Variants in GCN1 observed in about 807,000 individuals in gnomAD.
GCN1 encodes the protein stalled ribosome sensor GCN1.
A neutral mutation model predicts 288.4 loss-of-function variants in GCN1; 90 were observed. The ratio of observed to expected loss-of-function variants is 0.31; its 90% CI spans 0.26 to 0.37. The LOEUF (loss-of-function observed/expected upper bound fraction) is 0.37, where lower values mean the gene tolerates loss of function less well. Ranked by LOEUF, GCN1 falls within the 10% of genes least tolerant of loss-of-function variation. The pLI, the probability that GCN1 is intolerant of heterozygous loss-of-function variation, is 1.00. For missense variants in GCN1, 2,586 were observed against 3,419.9 expected (o/e 0.76, Z 6.08); for synonymous variants, 1,386 against 1,420.2 (o/e 0.98, Z 0.54).
intron 16 of GCN1, 56 bp downstream of exon 16, chr12:120,168,152 T>G: frequency 9.3e-7 from 1 of 1,081,050 alleles, no homozygotes; most frequent in Non-Finnish European, 1.4e-6. Context: ...TCTCTGAAGA[T>G]TTTCCAAAGA....
chr12:120,190,140 G>A (rs528414901), intron 2 of GCN1, among the ~76,000 whole-genome samples, 158 bp downstream of exon 2: 13 of 150,276 alleles, frequency 8.7e-5, no homozygotes, highest in Admixed American at 5.3e-4. Flanking sequence ...CAGGAAAATC[G>A]CTTGAACCCA....
Position 120,162,888 on chromosome 12 carries a change from G to C in GCN1, c.2122C>G (p.Gln708Glu), listed in dbSNP as rs1283818961. The stretch of plus-strand genomic sequence containing the variant: ...TGTGTGGTCATCCTGGGAATGATCT[G>C]ATCCAGGTGCCTGGTGATAAAGGCT... ...PEAFITRHLDQIIPRMTTQSP... is the reference protein window; with the variant it reads ...PEAFITRHLDEIIPRMTTQSP... The change falls in exon 20 of 58, where the codon CAG (glutamine) becomes GAG (glutamate). Residue 708 changes from glutamine to glutamate, a missense_variant. Gln to Glu is a conservative substitution (Grantham distance 29, BLOSUM62 2). Around this residue, in one of 8 missense-constraint regions of GCN1, gnomAD observed 913 missense variants for 1,107.0 expected, o/e 0.82. Transcript: ENST00000300648. 3.1e-6 allele frequency: 5 copies of C among 1,614,156 alleles called. No homozygotes were observed. The highest frequency in any genetic ancestry group is 4.2e-6 in the Non-Finnish European group (5 of 1,179,996).
At chr12:120,146,093 CCT>C (rs900252798) in intron 38 of GCN1, among the ~76,000 whole-genome samples, 2 of 151,842 alleles carry the variant, frequency 1.3e-5, no homozygotes, top group Admixed American at 1.3e-4. Context: ...ATGGTTTCAC[CCT>C]GTCTCTACTA....
intron 13 of GCN1, 39 bp downstream of exon 13, chr12:120,174,032 G>T: frequency 1.6e-6 from 2 of 1,255,536 alleles, no homozygotes; most frequent in Non-Finnish European, 1.2e-6. Flanking sequence ...GGTCAAGGAT[G>T]AGTACAGAAC....
At chr12:120,149,742 T>C in intron 35 of GCN1, 22 bp from the exon 36 acceptor site, 1 of 1,594,952 alleles carries the variant, frequency 6.3e-7, no homozygotes, top group Non-Finnish European at 8.6e-7. Context: ...AGAAAACACA[T>C]TCAGGGGCCT....
At position 120,137,519 on chromosome 12, in the gene GCN1, G is replaced by A. The variant is rs1457553444; in HGVS notation, c.6663+26C>T. On this transcript the variant is annotated intron_variant, in intron 49 of 57. Coordinates refer to ENST00000300648, the MANE Select transcript of GCN1 (RefSeq NM_006836.2). The surrounding 1 kb of genome is among the most constrained non-coding windows in gnomAD (Gnocchi z 5.2). Reference sequence around the variant, plus strand: ...CTGGAATTTTCTAAAAGCAAAAGTTGGCTGTGGGGTCAGCAGTCCCCTCAC... The same window carrying A: ...CTGGAATTTTCTAAAAGCAAAAGTTAGCTGTGGGGTCAGCAGTCCCCTCAC... 2 of 1,605,276 alleles carry A rather than the reference G, an allele frequency of 1.2e-6. No individual in the cohort carries two copies. The highest frequency in any genetic ancestry group is 1.7e-6 in the Non-Finnish European group (2 of 1,173,502).
Position 120,127,776 on chromosome 12 carries a change from A to G in GCN1, c.*73T>C. The G allele has an allele frequency of 6.5e-7, 1 of 1,538,172 alleles. No homozygotes were observed. Among genetic ancestry groups the G allele is most frequent in the Non-Finnish European group, 8.9e-7 (1 of 1,120,450 alleles). On this transcript the variant is annotated 3_prime_UTR_variant, in exon 58 of 58. Transcript: ENST00000300648. ...GCCATCTTCCAAGCTCCCCATTGGA[A>G]CAAATGTATTTTCAAAAATGAAAAC...
chr12:120,157,200 G>C, intron 26 of GCN1: 1 of 496,224 alleles, frequency 2.0e-6, no homozygotes. Flanking sequence ...ACTAAATTCT[G>C]AAACTTGCTT....
intron 3 of GCN1, 98 bp from the exon 4 acceptor site, chr12:120,184,341 C>A (rs916844694): frequency 1.0e-6 from 1 of 970,686 alleles, no homozygotes; most frequent in Non-Finnish European, 1.5e-6. Flanking sequence ...TCAGGAGAAA[C>A]TGATCACACC....
At position 120,131,993 on chromosome 12, in the gene GCN1, G is replaced by A. The variant is rs1296411305; in HGVS notation, c.7347C>T (p.Cys2449=). 27 of 1,600,686 alleles carry A rather than the reference G, an allele frequency of 1.7e-5. No individual in the cohort carries two copies. The highest frequency in any genetic ancestry group is 2.3e-5 in the Non-Finnish European group (27 of 1,172,530). ...EDNTRISSAG[C]LGELCAFLTE... is the part of the protein sequence containing the mutation. ...TCAAAAAGGCACACAGTTCCCCTAG[G>A]CACCCGGCTGAGGAGATGCGAGTGT... Residue 2449 remains cysteine (C), a synonymous_variant, in exon 54 of 58, where the codon TGC becomes TGT. Transcript: ENST00000300648.
At chr12:120,143,275 G>A (rs1161950135) in intron 42 of GCN1, among the ~76,000 whole-genome samples, 1 of 152,236 alleles carries the variant, frequency 6.6e-6, no homozygotes, top group Non-Finnish European at 1.5e-5. Context: ...GGAACCAGGA[G>A]AGGCCTTAAA....
At chr12:120,184,487 T>C (rs889732238) in intron 3 of GCN1, among the ~76,000 whole-genome samples, 6 of 152,288 alleles carry the variant, frequency 3.9e-5, no homozygotes, top group Non-Finnish European at 7.4e-5. Context: ...TATGGAGCAG[T>C]TATAAGGGTC....
At chr12:120,186,007 G>C (rs1878809487) in intron 2 of GCN1, among the ~76,000 whole-genome samples, 4 of 152,156 alleles carry the variant, frequency 2.6e-5, no homozygotes, top group Admixed American at 6.5e-5. Flanking sequence ...CTCTAACTCT[G>C]GGCAGAAAGA....
intron 16 of GCN1, among the ~76,000 whole-genome samples, chr12:120,166,002 G>T (rs1277300004): frequency 6.6e-6 from 1 of 152,010 alleles, no homozygotes; most frequent in Non-Finnish European, 1.5e-5. Flanking sequence ...ATGTTGGCCA[G>T]GATAGTCTCG....
intron 12 of GCN1, among the ~76,000 whole-genome samples, chr12:120,174,649 G>C (rs1357891238): frequency 6.6e-6 from 1 of 151,936 alleles, no homozygotes; most frequent in African/African-American, 2.4e-5. Context: ...AAATTAGCTG[G>C]ATGTGGTGGT....
rs1189102576 is a variant in GCN1, at chr12:120,160,181, C to T, written c.2511G>A (p.Gln837=). The change falls in exon 23 of 58, where the codon CAG becomes CAA. Residue 837 remains glutamine, a synonymous_variant. Coordinates refer to ENST00000300648, the MANE Select transcript of GCN1 (RefSeq NM_006836.2). The part of the protein sequence containing the change: ...TSKQKEMLQA[Q]LDREAQVRRR... ...TCCGGACCTGCGCCTCCCTGTCTAG[C>T]TGGGCCTGCAGCATCTCCTTCTGCT... The T allele has an allele frequency of 1.2e-6, 2 of 1,612,408 alleles. No individual in the cohort carries two copies. Among genetic ancestry groups the T allele is most frequent in the Non-Finnish European group, 1.7e-6 (2 of 1,179,962 alleles).
Position 120,175,148 on chromosome 12 carries a change from A to T in GCN1, c.1093+14T>A. 9.1e-6 allele frequency: 14 copies of T among 1,546,760 alleles called. No individual in the cohort carries two copies. The highest frequency in any genetic ancestry group is 1.4e-5 in the African/African-American group (1 of 69,974). ...TCTCAAAAAAAAAAAAAAAAAAAAA[A>T]AGAAATCCTATACCTGAGAGGACGC... On this transcript the variant is annotated intron_variant, in intron 12 of 57. Coordinates refer to ENST00000300648, the MANE Select transcript of GCN1 (RefSeq NM_006836.2).
At chr12:120,182,280 A>G (rs1410665229) in intron 5 of GCN1, among the ~76,000 whole-genome samples, 1 of 152,174 alleles carries the variant, frequency 6.6e-6, no homozygotes, top group African/African-American at 2.4e-5. Context: ...AGAGAGTCCC[A>G]GCTCACAATA....
In GCN1 at chr12:120,129,257, A is replaced by C; in HGVS notation, c.7890+19T>G. On this transcript the variant is annotated intron_variant, in intron 57 of 57. Transcript: ENST00000300648. ...CAAATGCTCACAGCACATCCTGGTG[A>C]GGCCCCCCAGGCTCCCACCTGAAAC... 1 of 1,552,890 alleles carries C rather than the reference A, an allele frequency of 6.4e-7. No homozygotes were observed. The highest frequency in any genetic ancestry group is 8.9e-7 in the Non-Finnish European group (1 of 1,125,042).
Sources: gnomAD v4.1 joint callset for allele counts (sites outside exome capture counted in the v4.1 genomes callset) on GRCh38, gnomAD v4.1.1 for gene constraint, gnomAD v4.1.1 regional missense constraint, Gnocchi (gnomAD v3.1) non-coding constraint, MANE v1.5 for transcripts, NCBI Gene and HGNC (gene_info 2026-07-23, HGNC 2026-07-21) for gene names.